The following SOX13 variants were observed in gnomAD, a reference collection of about 807,000 sequenced individuals.
SOX13 encodes SRY-box transcription factor 13.
Under a neutral mutation model 71.8 loss-of-function variants are expected in SOX13, and 28 were observed. That is an observed-to-expected ratio of 0.39 (90% CI 0.29 to 0.53). The LOEUF (loss-of-function observed/expected upper bound fraction) is 0.53. Among genes scored for constraint, SOX13 ranks in the 20% least tolerant of loss-of-function variants. The pLI is 0.70. For missense variants in SOX13, 627 were observed against 810.3 expected (o/e 0.77, Z 2.75); for synonymous variants, 309 against 317.8 (o/e 0.97, Z 0.29).
In SOX13 at chr1:204,125,895, G is replaced by A; in HGVS notation, c.1630G>A (p.Val544Ile). 6.8e-6 allele frequency: 11 copies of A among 1,612,936 alleles called. No homozygotes were observed. The highest frequency in any genetic ancestry group is 2.2e-5 in the South Asian group (2 of 90,938). ...CCAGGTGCAGATGAGCTCCTCAGAT[G>A]TCCTGTACCCTCGGGCAGCAGGCAT... ...AGQVQMSSSD[V>I]LYPRAAGMPL... is the part of the protein sequence containing the mutation. The change falls in exon 14 of 14, where the codon GTC (valine) becomes ATC (isoleucine). Residue 544 changes from valine (V) to isoleucine (I), a missense_variant. Coordinates refer to ENST00000367204, the MANE Select transcript of SOX13 (RefSeq NM_005686.3).
chr1:204,100,593 G>A (rs981041160), intron 1 of SOX13, among the ~76,000 whole-genome samples: 8 of 152,158 alleles, frequency 5.3e-5, no homozygotes, highest in Non-Finnish European at 2.9e-5. Flanking sequence ...TAAATAAAGA[G>A]GACCATGAAA....
intron 9 of SOX13, 147 bp downstream of exon 9, chr1:204,122,546 C>T: frequency 1.5e-6 from 1 of 654,716 alleles, no homozygotes; most frequent in South Asian, 1.9e-5. Flanking sequence ...AGAAGATCCC[C>T]TTCTTCCTCT....
Position 204,127,110 on chromosome 1 carries a change from G to A in SOX13, c.*976G>A, listed in dbSNP as rs1656936927. ...TTTTAGCTCTGATCAGCATGGGAATGTGCCTCGGCCTCCAAGGGGCTTTGT... is the reference window on the plus strand; with the variant it reads ...TTTTAGCTCTGATCAGCATGGGAATATGCCTCGGCCTCCAAGGGGCTTTGT... On this transcript the variant is annotated 3_prime_UTR_variant, in exon 14 of 14. Transcript: ENST00000367204. 6.6e-6 allele frequency: 1 copy of A among 152,246 alleles called. No individual in the cohort carries two copies. The highest frequency in any genetic ancestry group is 2.4e-5 in the African/African-American group (1 of 41,328). 9.4% of individuals were successfully genotyped at this position (152,246 alleles called of 1,614,324 possible).
intron 1 of SOX13, among the ~76,000 whole-genome samples, chr1:204,107,101 T>C (rs1272462683): frequency 6.6e-6 from 1 of 152,208 alleles, no homozygotes; most frequent in African/African-American, 2.4e-5. Context: ...ACCACTTGAC[T>C]CTCAGAGCAT....
Position 204,123,018 on chromosome 1 carries a change from TG to T in SOX13, c.1134+57del. 6.7e-7 allele frequency: 1 copy of T among 1,498,048 alleles called. No homozygotes were observed. Among genetic ancestry groups the T allele is most frequent in the Non-Finnish European group, 9.2e-7 (1 of 1,081,284 alleles). The allele number at this position is 1,498,048 out of a possible 1,614,324, so 92.8% of individuals were successfully genotyped here. On this transcript the variant is annotated intron_variant, in intron 10 of 13. Transcript: ENST00000367204. The surrounding 1 kb of genome is among the most constrained non-coding windows in gnomAD (Gnocchi z 5.0). ...GGCAGCAACAGATGGTGGCCAGGAG[TG>T]GAAGACACAGTCTGAGGCCACCAAG...
At chr1:204,089,837 C>T (rs1270843763) in intron 1 of SOX13, among the ~76,000 whole-genome samples, 2 of 152,234 alleles carry the variant, frequency 1.3e-5, no homozygotes, top group Non-Finnish European at 2.9e-5. Context: ...ATCCACCTGT[C>T]ACGTAAGTTG....
chr1:204,120,270 C>T (rs957332008), intron 7 of SOX13, among the ~76,000 whole-genome samples: 1 of 152,168 alleles, frequency 6.6e-6, no homozygotes, highest in African/African-American at 2.4e-5. Context: ...CAATTCCAAA[C>T]CATTGCAACT....
chr1:204,114,712 T>C lies in SOX13; in HGVS notation c.418+107T>C, dbSNP rs1656654495. On this transcript the variant is annotated intron_variant, in intron 4 of 13. Transcript: ENST00000367204. ...GGCAGTTCTTGGTACATACCTATCC[T>C]GTGCCATCTGGCTCCTGCCTGGCCT... The C allele has an allele frequency of 8.4e-6, 7 of 831,732 alleles. No individual in the cohort carries two copies. In the East Asian group the frequency reaches 1.7e-4, roughly 21 times the overall value. 51.5% of individuals were successfully genotyped at this position (831,732 alleles called of 1,614,324 possible). A position where few individuals can be genotyped will look rare whatever the true frequency, so the allele number is the denominator to read the frequency against.
At chr1:204,115,223 G>T (rs995562041) in intron 4 of SOX13, among the ~76,000 whole-genome samples, 1 of 151,726 alleles carries the variant, frequency 6.6e-6, no homozygotes, top group East Asian at 1.9e-4. Context: ...GCCCAGGCTG[G>T]TCTCGAACCC....
At position 204,123,878 on chromosome 1, in the gene SOX13, G is replaced by T. The variant is rs1656863569; in HGVS notation, c.1375+74G>T. The T allele has an allele frequency of 2.0e-6, 3 of 1,534,674 alleles. No homozygotes were observed. The highest frequency in any genetic ancestry group is 2.7e-6 in the Non-Finnish European group (3 of 1,116,834). ...AGCCAGCTGGGTCTATTCAGGGCTT[G>T]CTTGGTGATATTCCATACTGTGTTG... On this transcript the variant is annotated intron_variant, in intron 12 of 13. Coordinates refer to ENST00000367204, the MANE Select transcript of SOX13 (RefSeq NM_005686.3). This position sits in a 1 kb window ranked among gnomAD's most constrained non-coding sequence, Gnocchi z 5.0.
At chr1:204,076,604 C>T (rs761876996) in intron 1 of SOX13, among the ~76,000 whole-genome samples, 10 of 152,168 alleles carry the variant, frequency 6.6e-5, no homozygotes, top group African/African-American at 1.9e-4. Flanking sequence ...AGGTAAGGGG[C>T]GAGCTGAGCA....
rs1212912720 is a variant in SOX13 at position 204,123,174 on chromosome 1, A to G, written c.1197A>G (p.Pro399=). 2 of 1,613,396 alleles carry G rather than the reference A, an allele frequency of 1.2e-6. No individual in the cohort carries two copies. The highest frequency in any genetic ancestry group is 1.7e-6 in the Non-Finnish European group (2 of 1,179,680). The part of the protein sequence containing the change: ...KERLEDGCVH[P]LEEAMLSCDM... Reference sequence around the variant, plus strand: ...GGCTGGAGGACGGCTGTGTGCACCCACTGGAGGAAGCCATGCTGAGCTGCG... The same window carrying G: ...GGCTGGAGGACGGCTGTGTGCACCCGCTGGAGGAAGCCATGCTGAGCTGCG... The change falls in exon 11 of 14, where the codon CCA becomes CCG. Residue 399 remains proline (P), a synonymous_variant. Transcript: ENST00000367204. This position sits in a 1 kb window ranked among gnomAD's most constrained non-coding sequence, Gnocchi z 5.0.
chr1:204,075,616 AC>A (rs1655771804), intron 1 of SOX13, among the ~76,000 whole-genome samples: 1 of 152,090 alleles, frequency 6.6e-6, no homozygotes, highest in South Asian at 2.1e-4. Flanking sequence ...GTAGGGACCC[AC>A]CTACCTCTGG....
chr1:204,090,251 G>T (rs1656114170), intron 1 of SOX13, among the ~76,000 whole-genome samples: 1 of 152,098 alleles, frequency 6.6e-6, no homozygotes, highest in African/African-American at 2.4e-5. Context: ...AGGGTGTTAG[G>T]CAGGGAGAGC....
intron 1 of SOX13, among the ~76,000 whole-genome samples, chr1:204,074,951 G>A (rs1299449426): frequency 4.6e-5 from 7 of 152,214 alleles, no homozygotes; most frequent in South Asian, 2.1e-4. Flanking sequence ...GCTGGCGCTG[G>A]CGCTGGCGCT....
At position 204,123,093 on chromosome 1, in the gene SOX13, G is replaced by A. The variant is rs752073764; in HGVS notation, c.1135-19G>A. On this transcript the variant is annotated intron_variant, in intron 10 of 13. Coordinates refer to ENST00000367204, the MANE Select transcript of SOX13 (RefSeq NM_005686.3). This position sits in a 1 kb window ranked among gnomAD's most constrained non-coding sequence, Gnocchi z 5.0. ...GTGATGCAGAGGAGGCTGATGTCAG[G>A]TTGCCCCTGTCAACCTAGGACCTCA... The A allele has an allele frequency of 1.2e-6, 2 of 1,605,846 alleles. No homozygotes were observed. Among genetic ancestry groups the A allele is most frequent in the Admixed American group, 1.7e-5 (1 of 59,988 alleles).
intron 1 of SOX13, among the ~76,000 whole-genome samples, chr1:204,088,647 T>C (rs1656073328): frequency 6.6e-6 from 1 of 152,062 alleles, no homozygotes; most frequent in Non-Finnish European, 1.5e-5. Context: ...ACAGAGTCAG[T>C]GTGGGGTAGG....
intron 1 of SOX13, among the ~76,000 whole-genome samples, chr1:204,077,961 G>A (rs772293256): frequency 6.6e-6 from 1 of 152,114 alleles, no homozygotes; most frequent in Admixed American, 6.5e-5. Flanking sequence ...ACAGGTGTGT[G>A]CCACCACACC....
At position 204,110,060 on chromosome 1, in the gene SOX13, G is replaced by A. The variant is rs571044052; in HGVS notation, c.-1-2855G>A. Among the ~76,000 whole-genome samples the A allele has an allele frequency of 4.1e-4, 63 of 152,012 alleles. No individual in the cohort carries two copies. The South Asian group carries it at 0.01, about 25-fold the overall frequency. On this transcript the variant is annotated intron_variant, in intron 1 of 13. Coordinates refer to ENST00000367204, the MANE Select transcript of SOX13 (RefSeq NM_005686.3). ...TTGGTCAGGCTGGTCTCGAACTCCC[G>A]GCTTCAGGTGCTCCACCCGCCTCGG... is the stretch of plus-strand genomic sequence containing the variant.
Sources: allele counts gnomAD v4.1 joint callset (sites outside exome capture counted in the v4.1 genomes callset), GRCh38; gene constraint gnomAD v4.1.1; non-coding constraint Gnocchi (gnomAD v3.1); transcripts MANE v1.5; gene names NCBI Gene and HGNC (gene_info 2026-07-23, HGNC 2026-07-21).